SH3RF3: variants seen among roughly 807,000 people sequenced by gnomAD.
SH3RF3 encodes the protein SH3 domain containing ring finger 3, also known as E3 ubiquitin-protein ligase SH3RF3.
A neutral mutation model predicts 66.3 loss-of-function variants in SH3RF3; 29 were observed. That is an observed-to-expected ratio of 0.44 (90% CI 0.33 to 0.60). SH3RF3 has a LOEUF of 0.60. Ranked by LOEUF, SH3RF3 falls within the 20% of genes least tolerant of loss-of-function variation. SH3RF3 has a pLI of 0.04. For synonymous variants in SH3RF3, 583 were observed against 532.0 expected (o/e 1.10, Z -1.32); for missense variants, 1,194 against 1,190.9 (o/e 1.00, Z -0.04).
At chr2:109,187,621 T>C (rs1322724219) in intron 1 of SH3RF3, among the ~76,000 whole-genome samples, 4 of 152,232 alleles carry the variant, frequency 2.6e-5, no homozygotes, top group Non-Finnish European at 5.9e-5. Flanking sequence ...CCACATAGCC[T>C]AGGTATGTCT....
chr2:109,452,986 TCCCGGGAGGCTGGTC>T (rs1462474866), intron 8 of SH3RF3, among the ~76,000 whole-genome samples: 1 of 150,658 alleles, frequency 6.6e-6, no homozygotes, highest in Non-Finnish European at 1.5e-5. Flanking sequence ...GGGAGGCTAT[TCCCGGGAGGCTGGTC>T]CCCGGGAAAC....
Position 109,470,121 on chromosome 2 carries a change from C to T in SH3RF3, c.2149-20484C>T, listed in dbSNP as rs1328385690. Among the ~76,000 whole-genome samples the T allele has an allele frequency of 2.0e-5, 3 of 152,208 alleles. No individual in the cohort carries two copies. In the East Asian group the frequency reaches 5.8e-4, roughly 29 times the overall value. On this transcript the variant is annotated intron_variant, in intron 8 of 9. Transcript: ENST00000309415. ...GCTAATGAAGACAAAGCCACCTTCT[C>T]AACTACAAGGATTCCTTGTCCCTTC...
At chr2:109,319,473 G>A (rs1574571234) in intron 1 of SH3RF3, among the ~76,000 whole-genome samples, 1 of 152,216 alleles carries the variant, frequency 6.6e-6, no homozygotes, top group East Asian at 1.9e-4. Context: ...TCTTACTCTT[G>A]CACTTCTGCT....
chr2:109,245,479 G>C (rs1205406194), intron 1 of SH3RF3, among the ~76,000 whole-genome samples: 1 of 152,188 alleles, frequency 6.6e-6, no homozygotes, highest in Admixed American at 6.5e-5. Context: ...TCCTATGTGA[G>C]TTGATTATTT....
At chr2:109,190,264 C>T (rs1038663976) in intron 1 of SH3RF3, among the ~76,000 whole-genome samples, 4 of 152,086 alleles carry the variant, frequency 2.6e-5, no homozygotes, top group Non-Finnish European at 5.9e-5. Flanking sequence ...ACCTCCGCCT[C>T]GCGGGTTCAA....
chr2:109,440,940 C>T (rs1677545449), intron 7 of SH3RF3, among the ~76,000 whole-genome samples: 1 of 152,100 alleles, frequency 6.6e-6, no homozygotes, highest in Non-Finnish European at 1.5e-5. Context: ...CTGTTCCCAC[C>T]AGCCAGACGG....
rs1449733792 is a variant in SH3RF3, at chr2:109,437,165, C to T, written c.1828+19C>T. Reference sequence around the variant, plus strand: ...TCAACAGGTACCTTCACAGGGGCCTCACCCTGCAGGGCATCAACAAGGGGG... The same window carrying T: ...TCAACAGGTACCTTCACAGGGGCCTTACCCTGCAGGGCATCAACAAGGGGG... On this transcript the variant is annotated intron_variant, in intron 7 of 9. Transcript: ENST00000309415. The T allele has an allele frequency of 5.6e-6, 9 of 1,596,816 alleles. No homozygotes were observed. The highest frequency in any genetic ancestry group is 7.7e-6 in the Non-Finnish European group (9 of 1,168,840).
intron 1 of SH3RF3, among the ~76,000 whole-genome samples, chr2:109,142,968 C>CT (rs891966178): frequency 1.3e-5 from 2 of 151,992 alleles, no homozygotes; most frequent in African/African-American, 4.8e-5. Flanking sequence ...GTGCCGGGGG[C>CT]TTGGGGCTGG....
intron 1 of SH3RF3, among the ~76,000 whole-genome samples, chr2:109,281,146 A>T (rs1309188287): frequency 6.6e-6 from 1 of 152,194 alleles, no homozygotes; most frequent in East Asian, 1.9e-4. Flanking sequence ...TGCCATAGGA[A>T]ATGGAGTGCC....
chr2:109,436,754 T>G, intron 6 of SH3RF3, 139 bp from the exon 7 acceptor site: 1 of 1,333,552 alleles, frequency 7.5e-7, no homozygotes, highest in South Asian at 1.5e-5. Flanking sequence ...TGACGGGCAT[T>G]GTTTTAGGAC....
At chr2:109,259,598 T>C (rs1454793220) in intron 1 of SH3RF3, among the ~76,000 whole-genome samples, 1 of 152,256 alleles carries the variant, frequency 6.6e-6, no homozygotes, top group African/African-American at 2.4e-5. Flanking sequence ...TTACCATGTT[T>C]GGGCGGCATG....
intron 1 of SH3RF3, among the ~76,000 whole-genome samples, chr2:109,178,546 G>A (rs1181803581): frequency 2.0e-5 from 3 of 152,114 alleles, no homozygotes; most frequent in Non-Finnish European, 4.4e-5. Flanking sequence ...TTTTATTTAT[G>A]TCAACTCTTT....
chr2:109,422,119 C>T (rs1200390488), intron 5 of SH3RF3, among the ~76,000 whole-genome samples: 2 of 152,164 alleles, frequency 1.3e-5, no homozygotes, highest in Non-Finnish European at 2.9e-5. Flanking sequence ...CCATTCTTCC[C>T]AAAATAGCCT....
At chr2:109,281,935 C>G (rs1158803807) in intron 1 of SH3RF3, among the ~76,000 whole-genome samples, 1 of 152,126 alleles carries the variant, frequency 6.6e-6, no homozygotes, top group Non-Finnish European at 1.5e-5. Context: ...AAAGGCCTGC[C>G]TGGCTCTGTG....
chr2:109,329,771 T>G (rs1682242335), intron 1 of SH3RF3, among the ~76,000 whole-genome samples: 1 of 152,260 alleles, frequency 6.6e-6, no homozygotes, highest in Non-Finnish European at 1.5e-5. Context: ...GAGATGCCTT[T>G]TCTTACATAG....
At chr2:109,419,666 G>A (rs766713914) in intron 5 of SH3RF3, 24 bp downstream of exon 5, 18 of 1,550,432 alleles carry the variant, frequency 1.2e-5, no homozygotes, top group African/African-American at 1.4e-5. Flanking sequence ...TGTGTCTGTC[G>A]GGGTCCTGTG....
intron 2 of SH3RF3, among the ~76,000 whole-genome samples, chr2:109,361,705 A>G (rs1424993715): frequency 1.3e-5 from 2 of 152,086 alleles, no homozygotes; most frequent in Non-Finnish European, 2.9e-5. Flanking sequence ...TGAACTCCTG[A>G]CTTCAAATAA....
At chr2:109,457,604 G>A (rs1345338001) in intron 8 of SH3RF3, among the ~76,000 whole-genome samples, 1 of 152,214 alleles carries the variant, frequency 6.6e-6, no homozygotes, top group Non-Finnish European at 1.5e-5. Context: ...TGGCTGGGGC[G>A]AGCGATGCAC....
chr2:109,230,860 A>G (rs1338247644), intron 1 of SH3RF3, among the ~76,000 whole-genome samples: 33 of 152,216 alleles, frequency 2.2e-4, no homozygotes, highest in Admixed American at 2.2e-3. Flanking sequence ...CTAGGAGTTC[A>G]CTGGCCAATA....
Sources: gnomAD v4.1 joint callset for allele counts (sites outside exome capture counted in the v4.1 genomes callset) on GRCh38, gnomAD v4.1.1 for gene constraint, MANE v1.5 for transcripts, NCBI Gene and HGNC (gene_info 2026-07-23, HGNC 2026-07-21) for gene names.